The following CENPI variants were observed in gnomAD, a reference collection of about 807,000 sequenced individuals.
CENPI encodes FSH primary response 1.
CENPI carries 4 observed loss-of-function variants against 60.4 expected under a neutral mutation model. The observed-to-expected ratio is 0.07, with a 90% CI of 0.03 to 0.15. The LOEUF is 0.15. Among genes scored for constraint, CENPI ranks in the 10% least tolerant of loss-of-function variants. CENPI has a pLI of 1.00. For synonymous variants in CENPI, 157 were observed against 189.4 expected (o/e 0.83, Z 1.40); for missense variants, 444 against 534.5 (o/e 0.83, Z 1.67).
chrX:101,105,606 G>A (rs748355060), intron 4 of CENPI, among the ~76,000 whole-genome samples: 33 of 111,202 alleles, frequency 3.0e-4, no homozygotes, highest in African/African-American at 9.8e-4. Flanking sequence ...ACAGAGTCTC[G>A]CTGTGTTGTC....
chrX:101,180,982 T>C, the CENPI span, among the ~76,000 whole-genome samples: 1 of 111,964 alleles, frequency 8.9e-6, no homozygotes, highest in Non-Finnish European at 1.9e-5. Context: ...TAATATGGTA[T>C]GAGGTGGTCT....
chrX:101,155,350 C>A (rs148055783), intron 20 of CENPI, among the ~76,000 whole-genome samples: 1 of 110,543 alleles, frequency 9.0e-6, no homozygotes, highest in African/African-American at 3.3e-5. Context: ...CCACCACGCC[C>A]GGCTAATTTT....
chrX:101,158,779 C>T (rs1342216335), intron 20 of CENPI, among the ~76,000 whole-genome samples: 5 of 111,018 alleles, frequency 4.5e-5, no homozygotes, highest in East Asian at 2.9e-4. Context: ...TACAGGCTTG[C>T]GCCACCAAGC....
At position 101,116,367 on chromosome X, in the gene CENPI, T is replaced by C. The variant is rs192564452; in HGVS notation, c.592-4035T>C. On this transcript the variant is annotated intron_variant, in intron 6 of 21. Coordinates refer to ENST00000682095, the MANE Select transcript of CENPI (RefSeq NM_001386188.2). Reference sequence around the variant, plus strand: ...ATGTGTGGCTCAAGACAATTCTTCTTCCAATGTGGCCCGGATAACAAAAGA... The same window carrying C: ...ATGTGTGGCTCAAGACAATTCTTCTCCCAATGTGGCCCGGATAACAAAAGA... Among the ~76,000 whole-genome samples the C allele has an allele frequency of 6.5e-3, 719 of 110,095 alleles. 22 individuals carry two copies. Among genetic ancestry groups the C allele is most frequent in the Admixed American group, 0.057 (578 of 10,170 alleles).
chrX:101,126,204 G>A (rs914916278), intron 8 of CENPI, among the ~76,000 whole-genome samples: 1 of 112,142 alleles, frequency 8.9e-6, no homozygotes, highest in Non-Finnish European at 1.9e-5. Context: ...CACATCTTTC[G>A]TTGTGAAATT....
At chrX:101,162,488 ATAT>A (rs2090119996) in intron 21 of CENPI, among the ~76,000 whole-genome samples, 2 of 101,993 alleles carry the variant, frequency 2.0e-5, no homozygotes, top group African/African-American at 7.3e-5. Flanking sequence ...ATATATATAT[ATAT>A]AATTATCTCA....
intron 2 of CENPI, among the ~76,000 whole-genome samples, chrX:101,099,463 A>G (rs188598523): frequency 1.8e-5 from 2 of 108,871 alleles, no homozygotes; most frequent in Non-Finnish European, 3.8e-5. Flanking sequence ...ATGTCTCACT[A>G]TGTTGCCCTC....
chrX:101,098,997 C>G (rs1357729646), intron 2 of CENPI, among the ~76,000 whole-genome samples: 1 of 111,979 alleles, frequency 8.9e-6, no homozygotes, highest in East Asian at 2.8e-4. Context: ...TTACCTCTTT[C>G]ATTCCACTCC....
chrX:101,127,105 C>G, intron 9 of CENPI, 33 bp from the exon 10 acceptor site: 1 of 1,094,240 alleles, frequency 9.1e-7, no homozygotes, highest in African/African-American at 1.9e-5. Context: ...TTATGGGTAC[C>G]TACTCTCTTG....
At chrX:101,161,793 T>C (rs1342508628) in intron 21 of CENPI, among the ~76,000 whole-genome samples, 8 of 111,699 alleles carry the variant, frequency 7.2e-5, no homozygotes, top group Middle Eastern at 4.6e-3. Flanking sequence ...TACAGTTGCA[T>C]GTATATAAAG....
intron 9 of CENPI, 54 bp downstream of exon 9, chrX:101,126,852 G>T: frequency 1.0e-6 from 1 of 1,000,339 alleles, no homozygotes; most frequent in Admixed American, 2.3e-5. Flanking sequence ...GTTATTTTTG[G>T]TAAAGTTAAC....
chrX:101,141,711 T>G (rs916380110), intron 16 of CENPI, among the ~76,000 whole-genome samples: 6 of 110,790 alleles, frequency 5.4e-5, no homozygotes, highest in Non-Finnish European at 1.1e-4. Flanking sequence ...ACATTAAGAA[T>G]AGTACGTTTG....
At chrX:101,174,397 G>A in the CENPI span, among the ~76,000 whole-genome samples, 9 of 111,883 alleles carry the variant, frequency 8.0e-5, no homozygotes, top group Non-Finnish European at 1.3e-4. Context: ...ATTCACAATG[G>A]CAAAACATGG....
intron 20 of CENPI, among the ~76,000 whole-genome samples, chrX:101,152,913 T>C (rs1399631971): frequency 7.3e-5 from 8 of 109,790 alleles, no homozygotes; most frequent in African/African-American, 1.3e-4. Flanking sequence ...ACATATGTTT[T>C]CATTTCTCTT....
the CENPI span, among the ~76,000 whole-genome samples, chrX:101,181,168 G>C: frequency 3.2e-3 from 354 of 108,947 alleles, no homozygotes; most frequent in African/African-American, 0.011. Flanking sequence ...TGATCTATAT[G>C]TCTCTTCTTA....
chrX:101,179,223 C>G, the CENPI span, among the ~76,000 whole-genome samples: 1 of 112,045 alleles, frequency 8.9e-6, no homozygotes, highest in African/African-American at 3.2e-5. Flanking sequence ...GTTCTGGTCT[C>G]TATGAATTCA....
chrX:101,144,545 C>T (rs1347202409), intron 16 of CENPI, among the ~76,000 whole-genome samples: 4 of 109,338 alleles, frequency 3.7e-5, no homozygotes, highest in Non-Finnish European at 5.7e-5. Context: ...CACCACCGCA[C>T]TTAATTTTTG....
intron 20 of CENPI, among the ~76,000 whole-genome samples, chrX:101,151,167 A>G (rs1021842982): frequency 8.9e-6 from 1 of 111,910 alleles, no homozygotes; most frequent in Non-Finnish European, 1.9e-5. Flanking sequence ...AGGAGGTTAG[A>G]CTGCAAGCTT....
chrX:101,178,405 T>A, the CENPI span, among the ~76,000 whole-genome samples: 19 of 74,286 alleles, frequency 2.6e-4, no homozygotes, highest in Middle Eastern at 7.2e-3. Flanking sequence ...CTTCTTTTTT[T>A]TTTTTTTTTT....
Sources: gnomAD v4.1 joint callset for allele counts (sites outside exome capture counted in the v4.1 genomes callset) on GRCh38, gnomAD v4.1.1 for gene constraint, MANE v1.5 for transcripts, NCBI Gene and HGNC (gene_info 2026-07-23, HGNC 2026-07-21) for gene names.